CYBRD1: variants seen among roughly 807,000 people sequenced by gnomAD.
CYBRD1 encodes cytochrome b reductase 1.
A neutral mutation model predicts 21.9 loss-of-function variants in CYBRD1; 14 were observed. That is an observed-to-expected ratio of 0.64 (90% CI 0.42 to 1.00). The LOEUF is 1.00. Among genes scored for constraint, CYBRD1 ranks in the 50% least tolerant of loss-of-function variants. The pLI is 0.00. For synonymous variants in CYBRD1, 146 were observed against 136.5 expected (o/e 1.07, Z -0.48); for missense variants, 328 against 352.5 (o/e 0.93, Z 0.56).
intron 2 of CYBRD1, among the ~76,000 whole-genome samples, chr2:171,551,821 T>A (rs1028196435): frequency 1.3e-5 from 2 of 152,230 alleles, no homozygotes; most frequent in African/African-American, 4.8e-5. Flanking sequence ...GTGCAACTGA[T>A]CTCAAGTATA....
chr2:171,542,952 C>A (rs1031004523), intron 2 of CYBRD1, among the ~76,000 whole-genome samples: 1 of 152,000 alleles, frequency 6.6e-6, no homozygotes, highest in African/African-American at 2.4e-5. Context: ...GGCTTAAATG[C>A]TTTTATTATA....
chr2:171,538,167 G>A (rs1038669487), intron 1 of CYBRD1, among the ~76,000 whole-genome samples: 4 of 152,150 alleles, frequency 2.6e-5, no homozygotes, highest in African/African-American at 9.7e-5. Flanking sequence ...GGAGGCTGAG[G>A]CAGGAGAATC....
At chr2:171,532,978 A>T (rs1477818871) in intron 1 of CYBRD1, among the ~76,000 whole-genome samples, 1 of 152,162 alleles carries the variant, frequency 6.6e-6, no homozygotes, top group African/African-American at 2.4e-5. Context: ...AATTAAAAAA[A>T]TAAATTTTAA....
chr2:171,527,888 A>T (rs1697407521), intron 1 of CYBRD1, among the ~76,000 whole-genome samples: 1 of 151,952 alleles, frequency 6.6e-6, no homozygotes, highest in South Asian at 2.1e-4. Context: ...TGCAGTTTCT[A>T]GTTCCTTTCT....
intron 1 of CYBRD1, among the ~76,000 whole-genome samples, chr2:171,534,959 T>A (rs906553300): frequency 1.3e-5 from 2 of 152,174 alleles, no homozygotes; most frequent in African/African-American, 4.8e-5. Context: ...GAGGATGGCT[T>A]GAGCCCAGGA....
intron 2 of CYBRD1, among the ~76,000 whole-genome samples, chr2:171,549,079 T>TTTA (rs1274273799): frequency 6.8e-6 from 1 of 147,712 alleles, no homozygotes; most frequent in Non-Finnish European, 1.5e-5. Context: ...TTCTATTCTA[T>TTTA]TCTATTTATT....
chr2:171,522,499 CCT>C lies in CYBRD1; in HGVS notation c.-43_-42del. On this transcript the variant is annotated 5_prime_UTR_variant, in exon 1 of 4. Transcript: ENST00000321348. This position sits in a 1 kb window ranked among gnomAD's most constrained non-coding sequence, Gnocchi z 4.3. Reference sequence around the variant, plus strand: ...GCCACTACCCAGAGGGCTGCCGCCGCCTCTCCAAGTTCTTGTGGCCCCCGCGG... The same window carrying C: ...GCCACTACCCAGAGGGCTGCCGCCGCCTCCAAGTTCTTGTGGCCCCCGCGG... 6.4e-7 allele frequency: 1 copy of C among 1,557,896 alleles called. No homozygotes were observed. The highest frequency in any genetic ancestry group is 8.7e-7 in the Non-Finnish European group (1 of 1,152,208).
chr2:171,549,244 T>C (rs1423717537), intron 2 of CYBRD1, among the ~76,000 whole-genome samples: 1 of 152,092 alleles, frequency 6.6e-6, no homozygotes, highest in Admixed American at 6.6e-5. Context: ...CCACCATACC[T>C]GGCTAATTTT....
In CYBRD1 at chr2:171,554,848, A is replaced by G; in HGVS notation, c.*21A>G. On this transcript the variant is annotated 3_prime_UTR_variant, in exon 4 of 4. Transcript: ENST00000321348. ...TGTAAAATGTTGTAGAGATAGAGCC[A>G]TATAACGTCACGTTTCAAAACTAGC... 1 of 1,611,262 alleles carries G rather than the reference A, an allele frequency of 6.2e-7. No individual in the cohort carries two copies. Among genetic ancestry groups the G allele is most frequent in the Non-Finnish European group, 8.5e-7 (1 of 1,179,128 alleles).
At chr2:171,548,524 G>GT (rs1697751287) in intron 2 of CYBRD1, among the ~76,000 whole-genome samples, 1 of 151,670 alleles carries the variant, frequency 6.6e-6, no homozygotes, top group African/African-American at 2.4e-5. Context: ...GGGGCAAAAC[G>GT]TATGTGGAAT....
intron 1 of CYBRD1, among the ~76,000 whole-genome samples, chr2:171,528,176 C>G (rs1697411588): frequency 6.6e-6 from 1 of 152,072 alleles, no homozygotes; most frequent in African/African-American, 2.4e-5. Flanking sequence ...AACTCTGCCT[C>G]CCGGGTTCAA....
In CYBRD1 at chr2:171,528,196, C is replaced by T. The variant is rs147529626; in HGVS notation, c.193+5458C>T. 3.0e-3 allele frequency among the ~76,000 whole-genome samples: 450 copies of T among 152,268 alleles called. 1 individual carries two copies. Among genetic ancestry groups the T allele is most frequent in the Non-Finnish European group, 4.3e-3 (295 of 68,022 alleles). ...TGCCTCCCGGGTTCAAGCGATTCTC[C>T]TGCCTCAGCCTCCAGAGTAGCTGGG... is the stretch of plus-strand genomic sequence containing the variant. On this transcript the variant is annotated intron_variant, in intron 1 of 3. Transcript: ENST00000321348.
At position 171,550,878 on chromosome 2, in the gene CYBRD1, G is replaced by A. The variant is rs74938111; in HGVS notation, c.403-2468G>A. The stretch of plus-strand genomic sequence containing the variant: ...AGGAATGAGAAATATATGTTTCTAT[G>A]GGTAAGCCACAGAAAAGATATGATG... On this transcript the variant is annotated intron_variant, in intron 2 of 3. Coordinates refer to ENST00000321348, the MANE Select transcript of CYBRD1 (RefSeq NM_024843.4). 1.8e-3 allele frequency: 282 copies of A among 155,694 alleles called. 3 individuals are homozygous for A. The East Asian group carries it at 0.043, about 24-fold the overall frequency. The allele number at this position is 155,694 out of a possible 1,614,324, so 9.6% of individuals were successfully genotyped here.
At chr2:171,546,829 A>G (rs147186848) in intron 2 of CYBRD1, among the ~76,000 whole-genome samples, 2 of 152,274 alleles carry the variant, frequency 1.3e-5, no homozygotes, top group Non-Finnish European at 2.9e-5. Context: ...TGGATGGAAT[A>G]GCATGTGGGG....
intron 1 of CYBRD1, among the ~76,000 whole-genome samples, chr2:171,528,259 AT>A (rs1428734821): frequency 1.3e-5 from 2 of 151,814 alleles, no homozygotes; most frequent in African/African-American, 4.8e-5. Context: ...CTAATTTTGT[AT>A]TTTTAGTAGA....
Position 171,522,801 on chromosome 2 carries a change from C to G in CYBRD1, c.193+63C>G. Reference sequence around the variant, plus strand: ...GGGGAGAACGGCGGGGGCAGAGGGTCCTCCGTGAAGCCCCTTCCAGCTGAG... The same window carrying G: ...GGGGAGAACGGCGGGGGCAGAGGGTGCTCCGTGAAGCCCCTTCCAGCTGAG... On this transcript the variant is annotated intron_variant, in intron 1 of 3. Transcript: ENST00000321348. This position sits in a 1 kb window ranked among gnomAD's most constrained non-coding sequence, Gnocchi z 4.3. 6.2e-7 allele frequency: 1 copy of G among 1,603,970 alleles called. No individual in the cohort carries two copies. The highest frequency in any genetic ancestry group is 8.5e-7 in the Non-Finnish European group (1 of 1,175,430).
At chr2:171,530,570 C>T (rs1697450516) in intron 1 of CYBRD1, among the ~76,000 whole-genome samples, 1 of 152,212 alleles carries the variant, frequency 6.6e-6, no homozygotes, top group Non-Finnish European at 1.5e-5. Flanking sequence ...AGAGTGCTCA[C>T]TCCTGGCAAA....
intron 1 of CYBRD1, among the ~76,000 whole-genome samples, chr2:171,532,968 A>C (rs1359995736): frequency 6.6e-6 from 1 of 151,372 alleles, no homozygotes; most frequent in African/African-American, 2.4e-5. Context: ...CAAGTCTCTA[A>C]ATTAAAAAAA....
intron 1 of CYBRD1, among the ~76,000 whole-genome samples, chr2:171,532,980 A>T (rs549106939): frequency 6.6e-6 from 1 of 152,242 alleles, no homozygotes; most frequent in Non-Finnish European, 1.5e-5. Context: ...TTAAAAAAAT[A>T]AATTTTAAAA....
Sources: gnomAD v4.1 joint callset for allele counts (sites outside exome capture counted in the v4.1 genomes callset) on GRCh38, gnomAD v4.1.1 for gene constraint, Gnocchi (gnomAD v3.1) non-coding constraint, MANE v1.5 for transcripts, NCBI Gene and HGNC (gene_info 2026-07-23, HGNC 2026-07-21) for gene names.